Variants in TSNARE1 observed in about 807,000 individuals in gnomAD.
TSNARE1 encodes the protein t-SNARE domain-containing protein 1.
A neutral mutation model predicts 62.0 loss-of-function variants in TSNARE1; 49 were observed. The ratio of observed to expected loss-of-function variants is 0.79; its 90% CI spans 0.63 to 1.00. TSNARE1 has a LOEUF of 1.00. Ranked by LOEUF, TSNARE1 falls within the 50% of genes least tolerant of loss-of-function variation. TSNARE1 has a pLI of 0.00. For synonymous variants in TSNARE1, 328 were observed against 294.4 expected (o/e 1.11, Z -1.17); for missense variants, 755 against 700.1 (o/e 1.08, Z -0.88).
chr8:142,235,666 G>T (rs1458350635), intron 12 of TSNARE1, among the ~76,000 whole-genome samples: 1 of 152,088 alleles, frequency 6.6e-6, no homozygotes, highest in African/African-American at 2.4e-5. Context: ...TGAAATGGGC[G>T]CATTCTGCTG....
At chr8:142,277,885 G>C in intron 11 of TSNARE1, 1 of 985,350 alleles carries the variant, frequency 1.0e-6, no homozygotes. Flanking sequence ...GGCCACACCA[G>C]TGCCACCCCT....
chr8:142,273,970 G>C (rs897863814), intron 12 of TSNARE1: 1 of 984,986 alleles, frequency 1.0e-6, no homozygotes, highest in Non-Finnish European at 1.2e-6. Flanking sequence ...GCACCATCTC[G>C]TCTGCCAATA....
intron 13 of TSNARE1, among the ~76,000 whole-genome samples, chr8:142,226,419 C>T (rs1274271171): frequency 2.6e-5 from 4 of 152,174 alleles, no homozygotes; most frequent in African/African-American, 7.2e-5. Flanking sequence ...GCGCCTCCCG[C>T]CCACCTCTCA....
intron 10 of TSNARE1, among the ~76,000 whole-genome samples, chr8:142,294,027 G>T (rs1824256094): frequency 6.6e-6 from 1 of 152,284 alleles, no homozygotes; most frequent in African/African-American, 2.4e-5. Context: ...TGGGACAGGG[G>T]CAGGGGCAGC....
rs1045608281 is a variant in TSNARE1, at chr8:142,319,901, C to T, written c.894-1267G>A. 3.9e-5 allele frequency among the ~76,000 whole-genome samples: 6 copies of T among 152,302 alleles called. No individual in the cohort carries two copies. In the South Asian group the frequency reaches 8.3e-4, roughly 21 times the overall value. On this transcript the variant is annotated intron_variant, in intron 6 of 13. Coordinates refer to ENST00000524325, the MANE Select transcript of TSNARE1 (RefSeq NM_145003.5). The surrounding 1 kb of genome is among the most constrained non-coding windows in gnomAD (Gnocchi z 4.9). ...GAAGCGCGGGGACAGGAGCTTTCTT[C>T]CCCGGGGCCTTGGTCAGGGCCGCCT...
intron 1 of TSNARE1, among the ~76,000 whole-genome samples, chr8:142,392,440 T>A (rs1028171901): frequency 2.6e-5 from 4 of 152,194 alleles, no homozygotes; most frequent in Admixed American, 6.5e-5. Context: ...TGCTGAACTG[T>A]TAGATGACGG....
chr8:142,391,361 C>A (rs553409717), intron 1 of TSNARE1, among the ~76,000 whole-genome samples: 2 of 151,098 alleles, frequency 1.3e-5, no homozygotes, highest in Non-Finnish European at 3.0e-5. Flanking sequence ...CTGTAACAGA[C>A]GCTGTACACT....
At chr8:142,402,367 C>G (rs1838357473) in intron 1 of TSNARE1, among the ~76,000 whole-genome samples, 1 of 152,182 alleles carries the variant, frequency 6.6e-6, no homozygotes, top group South Asian at 2.1e-4. Context: ...ACCACTGGCA[C>G]GGAGGACCTG....
chr8:142,344,863 G>A (rs951105231), intron 3 of TSNARE1, among the ~76,000 whole-genome samples: 3 of 152,212 alleles, frequency 2.0e-5, no homozygotes, highest in African/African-American at 7.2e-5. Flanking sequence ...CCCTCGCCTG[G>A]GGACAGCCTT....
At chr8:142,231,523 G>A (rs1175446200) in intron 12 of TSNARE1, among the ~76,000 whole-genome samples, 4 of 152,202 alleles carry the variant, frequency 2.6e-5, no homozygotes, top group South Asian at 2.1e-4. Context: ...ACAGGGCTCT[G>A]CATCAGTGCA....
intron 1 of TSNARE1, among the ~76,000 whole-genome samples, chr8:142,372,856 T>C: frequency 7.2e-6 from 1 of 137,948 alleles, no homozygotes; most frequent in East Asian, 2.1e-4. Context: ...CCCAGCAGAC[T>C]CCCCCAGGCC....
intron 12 of TSNARE1, chr8:142,271,445 G>A: frequency 1.6e-6 from 2 of 1,256,330 alleles, no homozygotes; most frequent in South Asian, 3.2e-5. Context: ...CGTTTCAGAT[G>A]CTGCCGCTGG....
At chr8:142,316,014 C>T (rs757139145) in intron 7 of TSNARE1, among the ~76,000 whole-genome samples, 20 of 152,250 alleles carry the variant, frequency 1.3e-4, no homozygotes, top group Admixed American at 6.5e-5. Flanking sequence ...GACCACCCAA[C>T]TCTGCTCTCA....
At chr8:142,243,240 C>T (rs867545347) in intron 12 of TSNARE1, among the ~76,000 whole-genome samples, 1 of 152,126 alleles carries the variant, frequency 6.6e-6, no homozygotes, top group South Asian at 2.1e-4. Context: ...TCCAGCAATC[C>T]CACTACTCGG....
chr8:142,298,874 C>T (rs577667448), intron 10 of TSNARE1, among the ~76,000 whole-genome samples: 2 of 152,286 alleles, frequency 1.3e-5, no homozygotes, highest in South Asian at 2.1e-4. Flanking sequence ...GAGGAGCTCA[C>T]GAGCACCCGT....
intron 2 of TSNARE1, 22 bp downstream of exon 2, chr8:142,354,615 C>A (rs1190930008): frequency 1.3e-6 from 2 of 1,578,824 alleles, no homozygotes; most frequent in Non-Finnish European, 1.7e-6. Flanking sequence ...TCCCCGCCCC[C>A]ACTTCCAGCT....
chr8:142,221,069 A>G (rs2129908751), intron 13 of TSNARE1, among the ~76,000 whole-genome samples: 1 of 152,300 alleles, frequency 6.6e-6, no homozygotes, highest in African/African-American at 2.4e-5. Flanking sequence ...GGTCAGTGAG[A>G]GAGAGATCCT....
intron 1 of TSNARE1, among the ~76,000 whole-genome samples, chr8:142,392,730 T>C (rs1837618427): frequency 6.6e-6 from 1 of 151,038 alleles, no homozygotes; most frequent in Non-Finnish European, 1.5e-5. Flanking sequence ...AGGTCGGGAG[T>C]TTGAGTTTGA....
rs187812705 is a variant in TSNARE1, at chr8:142,393,762, G to C, written c.-40+9342C>G. 7.2e-5 allele frequency among the ~76,000 whole-genome samples: 11 copies of C among 152,284 alleles called. No homozygotes were observed. In the East Asian group the frequency reaches 2.1e-3, roughly 29 times the overall value. On this transcript the variant is annotated intron_variant, in intron 1 of 13. Transcript: ENST00000524325. Reference sequence around the variant, plus strand: ...GATAGGGAAGCCCAGGAGGAAAATCGAGGGAAAGCCTGGGCAGCAAAGGTG... The same window carrying C: ...GATAGGGAAGCCCAGGAGGAAAATCCAGGGAAAGCCTGGGCAGCAAAGGTG...
Sources: gnomAD v4.1 joint callset for allele counts (sites outside exome capture counted in the v4.1 genomes callset) on GRCh38, gnomAD v4.1.1 for gene constraint, Gnocchi (gnomAD v3.1) non-coding constraint, MANE v1.5 for transcripts, NCBI Gene and HGNC (gene_info 2026-07-23, HGNC 2026-07-21) for gene names.